DMXL2: variants seen among roughly 807,000 people sequenced by gnomAD.
DMXL2 encodes the protein dmX-like protein 2.
In DMXL2, 103 loss-of-function variants were observed where a neutral mutation model predicts 331.1. That is an observed-to-expected ratio of 0.31 (90% CI 0.27 to 0.37). DMXL2 has a LOEUF of 0.37. DMXL2 is among the 10% of genes least tolerant of loss of function. DMXL2 has a pLI of 1.00. For synonymous variants in DMXL2, 1,281 were observed against 1,252.1 expected, an observed-to-expected ratio of 1.02 and a Z score of -0.49; for missense variants, 3,171 against 3,642.9, an observed-to-expected ratio of 0.87 and a Z score of 3.33.
rs758781486 is a variant in DMXL2, at chr15:51,545,670, C to T, written c.843G>A (p.Glu281=). The change falls in exon 8 of 44, where the codon GAG becomes GAA. Residue 281 remains glutamate (E), a synonymous_variant. Coordinates refer to ENST00000560891, the MANE Select transcript of DMXL2 (RefSeq NM_001378457.1). ...TGGAAGTGGTAGTCTCACAAATCTGCTCACCCAAAAGACAGTCTTCTGGTA... is the reference window on the plus strand; with the variant it reads ...TGGAAGTGGTAGTCTCACAAATCTGTTCACCCAAAAGACAGTCTTCTGGTA... The part of the protein sequence containing the change: ...TLLPEDCLLG[E]QICETTTSSI... The T allele has an allele frequency of 6.2e-7, 1 of 1,613,722 alleles. No homozygotes were observed. The highest frequency in any genetic ancestry group is 8.5e-7 in the Non-Finnish European group (1 of 1,179,752).
intron 29 of DMXL2, 61 bp from the exon 30 acceptor site, chr15:51,466,372 A>T: frequency 4.9e-6 from 3 of 608,922 alleles, no homozygotes. Context: ...TATAAAATAT[A>T]TTTTATATAA....
intron 17 of DMXL2, 57 bp downstream of exon 17, chr15:51,502,749 G>A: frequency 1.8e-6 from 2 of 1,117,376 alleles, no homozygotes; most frequent in South Asian, 1.3e-5. Context: ...ATCCACTAAA[G>A]AGTTCATATA....
At chr15:51,539,535 G>GTAATCC (rs1474238419) in intron 9 of DMXL2, among the ~76,000 whole-genome samples, 7 of 152,204 alleles carry the variant, frequency 4.6e-5, no homozygotes, top group Non-Finnish European at 1.0e-4. Flanking sequence ...TTGGCCAGGT[G>GTAATCC]TGGTGGCTCA....
At chr15:51,610,827 C>T (rs2414112) in intron 1 of DMXL2, among the ~76,000 whole-genome samples, 123,500 of 151,816 alleles carry the variant, frequency 0.81, 50,595 homozygotes, top group East Asian at 0.99. Context: ...CTTAAAAAGA[C>T]TAGAAGTACA....
chr15:51,487,083 T>C (rs907606227), intron 22 of DMXL2, among the ~76,000 whole-genome samples: 18 of 152,226 alleles, frequency 1.2e-4, no homozygotes, highest in Non-Finnish European at 2.1e-4. Context: ...TTGTTCATGA[T>C]AGTAATCTAA....
At chr15:51,531,915 C>T (rs2048024240) in intron 13 of DMXL2, among the ~76,000 whole-genome samples, 1 of 152,126 alleles carries the variant, frequency 6.6e-6, no homozygotes, top group Non-Finnish European at 1.5e-5. Flanking sequence ...CCCTCATATG[C>T]TATTGGTGGG....
In DMXL2 at chr15:51,481,126, C is replaced by T; in HGVS notation, c.5980G>A (p.Val1994Ile). 6.2e-7 allele frequency: 1 copy of T among 1,611,926 alleles called. No homozygotes were observed. Among genetic ancestry groups the T allele is most frequent in the Non-Finnish European group, 8.5e-7 (1 of 1,178,344 alleles). Reference sequence around the variant, plus strand: ...TCTGTACTTTTCATCACTAAACCAACAGCATCGTCTTCCTCTTCATCTAAG... The same window carrying T: ...TCTGTACTTTTCATCACTAAACCAATAGCATCGTCTTCCTCTTCATCTAAG... ...SALDEEEDDAVGLVMKSTDAR... is the reference protein window; with the variant it reads ...SALDEEEDDAIGLVMKSTDAR... Residue 1994 changes from valine to isoleucine, a missense_variant, in exon 24 of 44, where the codon GTT becomes ATT. Coordinates refer to ENST00000560891, the MANE Select transcript of DMXL2 (RefSeq NM_001378457.1).
chr15:51,553,240 C>T (rs995989973), intron 6 of DMXL2, among the ~76,000 whole-genome samples: 1 of 152,170 alleles, frequency 6.6e-6, no homozygotes, highest in African/African-American at 2.4e-5. Context: ...AGACTGCCAG[C>T]ACACACAACA....
At chr15:51,586,902 TTA>T (rs1472717891) in intron 1 of DMXL2, among the ~76,000 whole-genome samples, 9 of 151,958 alleles carry the variant, frequency 5.9e-5, no homozygotes, top group Non-Finnish European at 8.8e-5. Context: ...ATCTTATATT[TTA>T]TATGTCAGTG....
chr15:51,610,840 C>A (rs547143333), intron 1 of DMXL2, among the ~76,000 whole-genome samples: 2 of 152,056 alleles, frequency 1.3e-5, no homozygotes, highest in African/African-American at 2.4e-5. Context: ...GAAGTACATA[C>A]CGCATGCCAC....
intron 41 of DMXL2, among the ~76,000 whole-genome samples, chr15:51,452,676 G>C (rs78074175): frequency 0.012 from 1,763 of 152,260 alleles, 27 homozygotes; most frequent in East Asian, 0.025. Flanking sequence ...ATGAAAAACA[G>C]TATACGGAGA....
chr15:51,576,096 A>G lies in DMXL2; in HGVS notation c.173T>C (p.Ile58Thr). Residue 58 changes from isoleucine (I) to threonine (T), a missense_variant, in exon 2 of 44, where the codon ATC becomes ACC. Coordinates refer to ENST00000560891, the MANE Select transcript of DMXL2 (RefSeq NM_001378457.1). ...AGAACACTCCACACAGCTGACTTGG[A>G]TGTTTCCATGCTTAGCACCAGGAAT... ...QIIPGAKHGN[I>T]QVSCVECSNQ... 3 of 1,580,482 alleles carry G rather than the reference A, an allele frequency of 1.9e-6. No homozygotes were observed. Among genetic ancestry groups the G allele is most frequent in the Non-Finnish European group, 2.6e-6 (3 of 1,159,804 alleles).
At chr15:51,450,549 T>C in intron 42 of DMXL2, 2 of 569,410 alleles carry the variant, frequency 3.5e-6, no homozygotes, top group Non-Finnish European at 6.2e-6. Flanking sequence ...TTTTTATCCA[T>C]AATCTCAATA....
Position 51,576,201 on chromosome 15 carries a change from A to G in DMXL2, c.88-20T>C. On this transcript the variant is annotated intron_variant, in intron 1 of 43. Coordinates refer to ENST00000560891, the MANE Select transcript of DMXL2 (RefSeq NM_001378457.1). ...ATATGCCTAAAAAAAAAAAAAAAAA[A>G]AAGTTTTACAATACATAAGATATGT... 3 of 1,438,276 alleles carry G rather than the reference A, an allele frequency of 2.1e-6. No individual in the cohort carries two copies. Among genetic ancestry groups the G allele is most frequent in the Non-Finnish European group, 1.8e-6 (2 of 1,082,672 alleles). 89.1% of individuals were successfully genotyped at this position (1,438,276 alleles called of 1,614,324 possible).
chr15:51,491,121 T>C (rs1003393727), intron 20 of DMXL2, among the ~76,000 whole-genome samples: 5 of 152,124 alleles, frequency 3.3e-5, no homozygotes, highest in Admixed American at 1.3e-4. Context: ...AAAGGTCAAG[T>C]TTTTGTAATC....
At chr15:51,487,819 T>C in intron 22 of DMXL2, 135 bp downstream of exon 22, 1 of 688,726 alleles carries the variant, frequency 1.5e-6, no homozygotes, top group Non-Finnish European at 2.2e-6. Context: ...ACAGTGCCAC[T>C]ATTTTAAGTA....
chr15:51,488,067 C>T lies in DMXL2; in HGVS notation c.5104G>A (p.Asp1702Asn). The stretch of plus-strand genomic sequence containing the variant: ...TTCAAAGCAGCTTTTCGCCATCTAT[C>T]TTCATTAAAGTTGTGGCTGAAAAAT... ...TTFFSHNFNE[D>N]RWRKAALKNA... The change falls in exon 22 of 44, where the codon GAT (aspartate) becomes AAT (asparagine). Residue 1702 changes from aspartate to asparagine, a missense_variant. Asp to Asn is a conservative substitution (Grantham distance 23, BLOSUM62 1). Transcript: ENST00000560891. 6.2e-7 allele frequency: 1 copy of T among 1,612,948 alleles called. No individual in the cohort carries two copies. Among genetic ancestry groups the T allele is most frequent in the Non-Finnish European group, 8.5e-7 (1 of 1,179,564 alleles).
In DMXL2 at chr15:51,576,182, C is replaced by CAAAAAAA. The variant is rs781167032; in HGVS notation, c.88-2_88-1insTTTTTTT. The CAAAAAAA allele has an allele frequency of 6.8e-6, 5 of 734,594 alleles. No homozygotes were observed. The highest frequency in any genetic ancestry group is 1.0e-4 in the African/African-American group (2 of 19,156). The allele number at this position is 734,594 out of a possible 1,614,324, so 45.5% of individuals were successfully genotyped here. A position where few individuals can be genotyped will look rare whatever the true frequency, so the allele number is the denominator to read the frequency against. ...CAATATCACAGCCTGATCCATATGC[C>CAAAAAAA]TAAAAAAAAAAAAAAAAAAAAGTTT... is the stretch of plus-strand genomic sequence containing the variant. On this transcript the variant is annotated splice_acceptor_variant, in intron 1 of 43. Coordinates refer to ENST00000560891, the MANE Select transcript of DMXL2 (RefSeq NM_001378457.1). LOFTEE classifies it high-confidence loss of function.
intron 6 of DMXL2, among the ~76,000 whole-genome samples, chr15:51,547,685 A>C (rs1040004769): frequency 6.6e-5 from 10 of 152,156 alleles, no homozygotes; most frequent in Non-Finnish European, 1.3e-4. Flanking sequence ...TGGTCAGTAC[A>C]GAAAAAAGAT....
Sources: gnomAD v4.1 joint callset for allele counts (sites outside exome capture counted in the v4.1 genomes callset) on GRCh38, gnomAD v4.1.1 for gene constraint, MANE v1.5 for transcripts, NCBI Gene and HGNC (gene_info 2026-07-23, HGNC 2026-07-21) for gene names.